The following KCNB2 variants were observed in gnomAD, a reference collection of about 807,000 sequenced individuals.
KCNB2 encodes potassium voltage-gated channel subfamily B member 2, also known as delayed rectifier potassium channel protein.
In KCNB2, 15 loss-of-function variants were observed where a neutral mutation model predicts 61.5. The observed-to-expected ratio is 0.24, with a 90% confidence interval of 0.16 to 0.38. KCNB2 has a LOEUF of 0.38. KCNB2 is among the 10% of genes least tolerant of loss of function. KCNB2 has a pLI of 1.00. For missense variants in KCNB2, 828 were observed against 1,125.2 expected, an observed-to-expected ratio of 0.74 and a Z score of 3.78; for synonymous variants, 457 against 446.0, an observed-to-expected ratio of 1.02 and a Z score of -0.31.
chr8:72,537,301 C>T lies in KCNB2; in HGVS notation c.-678C>T, dbSNP rs1267232553. 6.6e-6 allele frequency: 1 copy of T among 152,182 alleles called. No individual in the cohort carries two copies. 9.4% of individuals were successfully genotyped at this position (152,182 alleles called of 1,614,324 possible). ...CCCCAGAGCGCCCCGCCTAGCCTCC[C>T]GCGCGCAGCCTCTACCCTGCTCCGC... On this transcript the variant is annotated 5_prime_UTR_variant, in exon 1 of 3. Coordinates refer to ENST00000523207, the MANE Select transcript of KCNB2 (RefSeq NM_004770.3).
chr8:72,922,098 G>T (rs928740744), intron 2 of KCNB2, among the ~76,000 whole-genome samples: 4 of 152,186 alleles, frequency 2.6e-5, no homozygotes, highest in African/African-American at 9.6e-5. Flanking sequence ...TTCTGAATGT[G>T]CTAGAAAAGA....
intron 2 of KCNB2, among the ~76,000 whole-genome samples, chr8:72,725,571 A>ATATATG (rs1554587059): frequency 1.3e-4 from 12 of 91,392 alleles, no homozygotes; most frequent in African/African-American, 5.8e-4. Context: ...ATATGTATAT[A>ATATATG]TATGTATATA....
intron 2 of KCNB2, among the ~76,000 whole-genome samples, chr8:72,595,100 A>G (rs1355598085): frequency 2.0e-5 from 3 of 151,852 alleles, no homozygotes; most frequent in Non-Finnish European, 4.4e-5. Context: ...CACAATGGAG[A>G]ACAATCAACA....
At chr8:72,646,764 G>A (rs1273625282) in intron 2 of KCNB2, among the ~76,000 whole-genome samples, 1 of 152,144 alleles carries the variant, frequency 6.6e-6, no homozygotes, top group Non-Finnish European at 1.5e-5. Flanking sequence ...GTGAGTATGA[G>A]GTGTTTGAGA....
Position 72,937,578 on chromosome 8 carries a change from A to G in KCNB2, c.2223A>G (p.Thr741=), listed in dbSNP as rs1324525625. The change falls in exon 3 of 3, where the codon ACA becomes ACG. Residue 741 remains threonine (T), a synonymous_variant. Coordinates refer to ENST00000523207, the MANE Select transcript of KCNB2 (RefSeq NM_004770.3). The part of the protein sequence containing the change: ...PSTARPLPVT[T]ADFSLTTPQH... ...CAGCCAGGCCACTGCCAGTCACCACAGCTGACTTTTCGCTCACTACCCCGC... is the reference window on the plus strand; with the variant it reads ...CAGCCAGGCCACTGCCAGTCACCACGGCTGACTTTTCGCTCACTACCCCGC... 1 of 1,613,906 alleles carries G rather than the reference A, an allele frequency of 6.2e-7. No homozygotes were observed. The highest frequency in any genetic ancestry group is 8.5e-7 in the Non-Finnish European group (1 of 1,180,006).
chr8:72,885,375 G>A (rs1316655366), intron 2 of KCNB2, among the ~76,000 whole-genome samples: 6 of 152,194 alleles, frequency 3.9e-5, no homozygotes, highest in African/African-American at 1.2e-4. Flanking sequence ...GCAATAAAGA[G>A]ATTACTTATT....
At chr8:72,561,760 T>TATAC (rs1332348155) in intron 1 of KCNB2, among the ~76,000 whole-genome samples, 2 of 25,914 alleles carry the variant, frequency 7.7e-5, no homozygotes, top group African/African-American at 1.2e-4. Context: ...TATATATATA[T>TATAC]GGATATATAT....
chr8:72,924,324 C>T (rs896166903), intron 2 of KCNB2, among the ~76,000 whole-genome samples: 8 of 151,118 alleles, frequency 5.3e-5, no homozygotes, highest in African/African-American at 2.0e-4. Flanking sequence ...AACTGAGATC[C>T]GCTGGTTTAA....
chr8:72,563,071 G>A (rs1806562297), intron 1 of KCNB2, among the ~76,000 whole-genome samples: 3 of 152,104 alleles, frequency 2.0e-5, no homozygotes, highest in Non-Finnish European at 4.4e-5. Context: ...TTTGTTTCAA[G>A]CCATGATAAA....
chr8:72,935,846 A>G (rs1044428361), intron 2 of KCNB2, 89 bp from the exon 3 acceptor site: 76 of 857,212 alleles, frequency 8.9e-5, no homozygotes, highest in African/African-American at 6.8e-4. Context: ...GGAGCATTCC[A>G]TATTAGTTAA....
chr8:72,698,618 A>G (rs923938726), intron 2 of KCNB2, among the ~76,000 whole-genome samples: 4 of 152,200 alleles, frequency 2.6e-5, no homozygotes, highest in African/African-American at 9.6e-5. Context: ...AAACTATACT[A>G]TAAGGCTACA....
intron 2 of KCNB2, among the ~76,000 whole-genome samples, chr8:72,918,886 T>C (rs1263759340): frequency 6.6e-6 from 1 of 152,194 alleles, no homozygotes; most frequent in Non-Finnish European, 1.5e-5. Flanking sequence ...ATTCCCGGCA[T>C]ATACAAAACT....
At chr8:72,820,670 C>A (rs1809482296) in intron 2 of KCNB2, among the ~76,000 whole-genome samples, 1 of 151,862 alleles carries the variant, frequency 6.6e-6, no homozygotes, top group South Asian at 2.1e-4. Context: ...ATTATTTCTA[C>A]CTCAATTCTT....
intron 2 of KCNB2, among the ~76,000 whole-genome samples, chr8:72,899,278 C>A (rs1169870721): frequency 6.6e-6 from 1 of 152,118 alleles, no homozygotes; most frequent in Non-Finnish European, 1.5e-5. Context: ...AAGCCCACAG[C>A]CAACATCACA....
chr8:72,931,735 G>A (rs1391311267), intron 2 of KCNB2, among the ~76,000 whole-genome samples: 1 of 152,166 alleles, frequency 6.6e-6, no homozygotes, highest in Non-Finnish European at 1.5e-5. Flanking sequence ...AGGCAGGTGG[G>A]GCATGGTGAC....
intron 2 of KCNB2, among the ~76,000 whole-genome samples, chr8:72,874,344 G>A (rs1047386538): frequency 2.0e-5 from 3 of 152,150 alleles, no homozygotes; most frequent in Admixed American, 6.5e-5. Flanking sequence ...TTTTACTCCA[G>A]CCATGATGAA....
intron 2 of KCNB2, among the ~76,000 whole-genome samples, chr8:72,821,629 C>CAAAAAAAAAAAAAAAAAAAA (rs1563395050): frequency 1.9e-5 from 1 of 53,696 alleles, no homozygotes. Flanking sequence ...TACACACACA[C>CAAAAAAAAAAAAAAAAAAAA]ACAAAAAAAA....
At chr8:72,672,598 A>G (rs1806583205) in intron 2 of KCNB2, among the ~76,000 whole-genome samples, 1 of 152,130 alleles carries the variant, frequency 6.6e-6, no homozygotes, top group African/African-American at 2.4e-5. Flanking sequence ...CTATAGTGAA[A>G]GGTGTTTTTG....
At chr8:72,705,758 T>A (rs780470930) in intron 2 of KCNB2, among the ~76,000 whole-genome samples, 6 of 152,112 alleles carry the variant, frequency 3.9e-5, no homozygotes, top group Non-Finnish European at 8.8e-5. Context: ...CAGAGTTGGT[T>A]TGTGTGACAT....
Sources: gnomAD v4.1 joint callset for allele counts (sites outside exome capture counted in the v4.1 genomes callset) on GRCh38, gnomAD v4.1.1 for gene constraint, MANE v1.5 for transcripts, NCBI Gene and HGNC (gene_info 2026-07-23, HGNC 2026-07-21) for gene names.